Variants in NUP210 observed in about 807,000 individuals in gnomAD.
The protein encoded by NUP210 is nucleoporin 210, also known as nuclear pore membrane glycoprotein 210.
NUP210 carries 151 observed loss-of-function variants against 196.0 expected under a neutral mutation model. The ratio of observed to expected loss-of-function variants is 0.77; its 90% CI spans 0.67 to 0.88. NUP210 has a LOEUF of 0.88. Among genes scored for constraint, NUP210 ranks in the 40% least tolerant of loss-of-function variants. The pLI is 0.00. For synonymous variants in NUP210, 1,070 were observed against 1,052.7 expected (o/e 1.02, Z -0.32); for missense variants, 2,314 against 2,493.7 (o/e 0.93, Z 1.53).
chr3:13,328,723 G>A lies in NUP210; in HGVS notation c.4286+48C>T, dbSNP rs750558944. ...TGTTATCCCCAGTTGTCTCTACCAG[G>A]TACCAGACAGGACTTCATAGGAGAA... On this transcript the variant is annotated intron_variant, in intron 31 of 39. Transcript: ENST00000254508. The A allele has an allele frequency of 8.4e-6, 13 of 1,548,262 alleles. No individual in the cohort carries two copies. In the African/African-American group the frequency reaches 1.4e-4, roughly 16 times the overall value.
chr3:13,375,669 A>G lies in NUP210; in HGVS notation c.1294-28T>C, dbSNP rs373134. 1.9e-6 allele frequency: 3 copies of G among 1,600,534 alleles called. No individual in the cohort carries two copies. In the South Asian group the frequency reaches 3.3e-5, roughly 18 times the overall value. ...ACAAGGGGTGAGGGTGCCACACGTAACCATGACAACCATGTCATCATCAGT... is the reference window on the plus strand; with the variant it reads ...ACAAGGGGTGAGGGTGCCACACGTAGCCATGACAACCATGTCATCATCAGT... On this transcript the variant is annotated intron_variant, in intron 10 of 39. Transcript: ENST00000254508.
At chr3:13,401,280 A>AAAAAAAAAAAAAAT (rs2124949159) in intron 1 of NUP210, among the ~76,000 whole-genome samples, 1 of 150,018 alleles carries the variant, frequency 6.7e-6, no homozygotes, top group South Asian at 2.1e-4. Context: ...AAAAAAAAAA[A>AAAAAAAAAAAAAAT]GGCAATGGTG....
chr3:13,370,808 C>A (rs551991768), intron 13 of NUP210, among the ~76,000 whole-genome samples: 1 of 152,378 alleles, frequency 6.6e-6, no homozygotes, highest in East Asian at 1.9e-4. Flanking sequence ...CTTGGCACCA[C>A]AGGCGATCCT....
At chr3:13,395,610 G>T (rs1179622075) in intron 3 of NUP210, among the ~76,000 whole-genome samples, 1 of 152,172 alleles carries the variant, frequency 6.6e-6, no homozygotes, top group Non-Finnish European at 1.5e-5. Flanking sequence ...GAGCCACTGC[G>T]CCCAGCCTGT....
At chr3:13,324,209 A>ACC (rs59881887) in intron 33 of NUP210, among the ~76,000 whole-genome samples, 1 of 151,050 alleles carries the variant, frequency 6.6e-6, no homozygotes, top group Non-Finnish European at 1.5e-5. Flanking sequence ...CTAGCCTGGG[A>ACC]CCCCCCAACG....
intron 16 of NUP210, among the ~76,000 whole-genome samples, chr3:13,357,436 G>A (rs150465404): frequency 6.6e-6 from 1 of 152,242 alleles, no homozygotes; most frequent in East Asian, 1.9e-4. Flanking sequence ...GTCATCTCTG[G>A]GAGGCAGGTT....
rs534986746 is a variant in NUP210, at chr3:13,388,223, G to A, written c.684+80C>T. On this transcript the variant is annotated intron_variant, in intron 5 of 39. Transcript: ENST00000254508. ...TCCACTATTCAACGTGCCTATAGGT[G>A]TGATGGTACCTATAAGCAGGTACCG... 1.1e-4 allele frequency: 116 copies of A among 1,082,542 alleles called. No homozygotes were observed. In the African/African-American group the frequency reaches 1.8e-3, roughly 16 times the overall value. 67.1% of individuals were successfully genotyped at this position (1,082,542 alleles called of 1,614,324 possible).
At chr3:13,351,751 A>ACCTC in intron 20 of NUP210, 128 bp downstream of exon 20, 1 of 657,720 alleles carries the variant, frequency 1.5e-6, no homozygotes, top group East Asian at 2.7e-5. Context: ...TCCTGCCTTG[A>ACCTC]CCTCCCAAAG....
chr3:13,386,673 C>A (rs185624252), intron 5 of NUP210, among the ~76,000 whole-genome samples: 8 of 152,180 alleles, frequency 5.3e-5, no homozygotes, highest in Admixed American at 4.6e-4. Context: ...CTATGTGAAA[C>A]CATGATTAAA....
chr3:13,338,383 A>C lies in NUP210; in HGVS notation c.3472-466T>G, dbSNP rs1470830727. Reference sequence around the variant, plus strand: ...TAACCTCCTTCATTCTGAACTCCACACTCCTATTAATCTGGCCAAAGACTA... The same window carrying C: ...TAACCTCCTTCATTCTGAACTCCACCCTCCTATTAATCTGGCCAAAGACTA... On this transcript the variant is annotated intron_variant, in intron 25 of 39. Coordinates refer to ENST00000254508, the MANE Select transcript of NUP210 (RefSeq NM_024923.4). 2.0e-5 allele frequency among the ~76,000 whole-genome samples: 3 copies of C among 151,936 alleles called. No individual in the cohort carries two copies. The East Asian group carries it at 5.8e-4, about 29-fold the overall frequency.
At chr3:13,367,069 T>C (rs1432751736) in intron 13 of NUP210, among the ~76,000 whole-genome samples, 2 of 151,972 alleles carry the variant, frequency 1.3e-5, no homozygotes, top group Non-Finnish European at 2.9e-5. Context: ...GAGGTTGCAG[T>C]GAGCCGAAAT....
At chr3:13,369,743 T>C (rs1034978060) in intron 13 of NUP210, among the ~76,000 whole-genome samples, 30 of 152,248 alleles carry the variant, frequency 2.0e-4, no homozygotes, top group African/African-American at 7.2e-4. Flanking sequence ...GGTTTTTATC[T>C]GGGCTCAGTA....
At chr3:13,332,608 C>T (rs1294726057) in intron 28 of NUP210, among the ~76,000 whole-genome samples, 2 of 152,172 alleles carry the variant, frequency 1.3e-5, no homozygotes, top group African/African-American at 4.8e-5. Context: ...AGCAAACCCT[C>T]AGTCTCTACA....
chr3:13,366,643 G>A (rs557774269), intron 13 of NUP210, among the ~76,000 whole-genome samples: 75 of 150,322 alleles, frequency 5.0e-4, no homozygotes, highest in African/African-American at 1.8e-3. Flanking sequence ...TCAGCCTCCC[G>A]AGTAGCTGGG....
Position 13,328,912 on chromosome 3 carries a change from C to T in NUP210, c.4145G>A (p.Ser1382Asn), listed in dbSNP as rs1696886085. The change falls in exon 31 of 40, where the codon AGC becomes AAC. Residue 1382 changes from serine to asparagine, a missense_variant. Ser to Asn is a conservative substitution (Grantham distance 46). Coordinates refer to ENST00000254508, the MANE Select transcript of NUP210 (RefSeq NM_024923.4). ...CTTGTTCTGGGTGTGCAGGACAGGGCTCATGGAAACCCTCAGGTAGGAAAC... is the reference window on the plus strand; with the variant it reads ...CTTGTTCTGGGTGTGCAGGACAGGGTTCATGGAAACCCTCAGGTAGGAAAC... ...SPVSYLRVSMSPVLHTQNKEA... is the reference protein window; with the variant it reads ...SPVSYLRVSMNPVLHTQNKEA... 1 of 1,614,078 alleles carries T rather than the reference C, an allele frequency of 6.2e-7. No individual in the cohort carries two copies.
At chr3:13,394,910 A>G (rs573895136) in intron 3 of NUP210, among the ~76,000 whole-genome samples, 1 of 152,350 alleles carries the variant, frequency 6.6e-6, no homozygotes, top group South Asian at 2.1e-4. Flanking sequence ...TGATGAAGGT[A>G]CTCATCAAAG....
In NUP210 at chr3:13,365,814, G is replaced by A. The variant is rs192160820; in HGVS notation, c.1932+132C>T. Reference sequence around the variant, plus strand: ...ATCCTGCTTTCAGCCAGAAATCATGGGAGAGGAAGCTGTGCCAAAAGCTAT... The same window carrying A: ...ATCCTGCTTTCAGCCAGAAATCATGAGAGAGGAAGCTGTGCCAAAAGCTAT... On this transcript the variant is annotated intron_variant, in intron 14 of 39. Coordinates refer to ENST00000254508, the MANE Select transcript of NUP210 (RefSeq NM_024923.4). The A allele has an allele frequency of 2.2e-3, 2,145 of 975,016 alleles. 5 individuals carry two copies. Among genetic ancestry groups the A allele is most frequent in the Non-Finnish European group, 3.0e-3 (1,875 of 631,458 alleles). The allele number at this position is 975,016 out of a possible 1,614,324, so 60.4% of individuals were successfully genotyped here. A position where few individuals can be genotyped will look rare whatever the true frequency, so the allele number is the denominator to read the frequency against.
chr3:13,340,337 C>T lies in NUP210; in HGVS notation c.3229-39G>A. On this transcript the variant is annotated intron_variant, in intron 23 of 39. Transcript: ENST00000254508. This position sits in a 1 kb window ranked among gnomAD's most constrained non-coding sequence, Gnocchi z 4.0. ...CAGGAGAGAAAGGACTACTGTGCCC[C>T]AAGCCCATGGCGCCAAGCATAACTC... 6.3e-7 allele frequency: 1 copy of T among 1,584,068 alleles called. No individual in the cohort carries two copies. The highest frequency in any genetic ancestry group is 8.7e-7 in the Non-Finnish European group (1 of 1,153,814).
chr3:13,356,723 A>C (rs1002680217), intron 16 of NUP210, among the ~76,000 whole-genome samples: 1 of 152,240 alleles, frequency 6.6e-6, no homozygotes, highest in Non-Finnish European at 1.5e-5. Context: ...GTGGCTCAGG[A>C]ACCTGAGCAC....
Sources: gnomAD v4.1 joint callset for allele counts (sites outside exome capture counted in the v4.1 genomes callset) on GRCh38, gnomAD v4.1.1 for gene constraint, Gnocchi (gnomAD v3.1) non-coding constraint, MANE v1.5 for transcripts, NCBI Gene and HGNC (gene_info 2026-07-23, HGNC 2026-07-21) for gene names.